The following ASAH2 variants were observed in gnomAD, a reference collection of about 807,000 sequenced individuals.
ASAH2 encodes the protein neutral ceramidase.
A neutral mutation model predicts 82.9 loss-of-function variants in ASAH2; 58 were observed. The ratio of observed to expected loss-of-function variants is 0.70; its 90% CI spans 0.57 to 0.87. The LOEUF (loss-of-function observed/expected upper bound fraction) is 0.87. ASAH2 is among the 40% of genes least tolerant of loss of function. The pLI is 0.00. For synonymous variants in ASAH2, 276 were observed against 289.7 expected, an observed-to-expected ratio of 0.95 and a Z score of 0.48; for missense variants, 779 against 834.0, an observed-to-expected ratio of 0.93 and a Z score of 0.81.
chr10:50,231,080 G>A (rs1268067574), intron 7 of ASAH2, among the ~76,000 whole-genome samples: 2 of 150,470 alleles, frequency 1.3e-5, no homozygotes, highest in African/African-American at 4.9e-5. Flanking sequence ...ACTACTAAAA[G>A]GGAATTGTAA....
At chr10:50,202,132 G>A (rs994018249) in intron 16 of ASAH2, among the ~76,000 whole-genome samples, 1 of 152,216 alleles carries the variant, frequency 6.6e-6, no homozygotes, top group South Asian at 2.1e-4. Context: ...CCAACAGAGG[G>A]TAGCAGGGCA....
intron 17 of ASAH2, 103 bp downstream of exon 17, chr10:50,198,948 T>C: frequency 7.7e-7 from 1 of 1,301,042 alleles, no homozygotes; most frequent in South Asian, 1.2e-5. Flanking sequence ...TCTCTTTCAC[T>C]TCCCTCTGCA....
chr10:50,207,590 A>G (rs1488402404), intron 12 of ASAH2, among the ~76,000 whole-genome samples: 1 of 151,204 alleles, frequency 6.6e-6, no homozygotes, highest in Non-Finnish European at 1.5e-5. Context: ...AAATTTCTAG[A>G]AAGACAAACT....
intron 2 of ASAH2, among the ~76,000 whole-genome samples, chr10:50,248,200 G>C (rs922806271): frequency 2.6e-5 from 4 of 152,190 alleles, no homozygotes; most frequent in African/African-American, 9.6e-5. Flanking sequence ...GCCATTACTA[G>C]ACCTTGACGA....
intron 7 of ASAH2, among the ~76,000 whole-genome samples, chr10:50,227,068 G>T (rs994175607): frequency 6.6e-6 from 1 of 152,058 alleles, no homozygotes; most frequent in Non-Finnish European, 1.5e-5. Flanking sequence ...ATACAGAAAA[G>T]TTCAGATATA....
intron 7 of ASAH2, among the ~76,000 whole-genome samples, chr10:50,229,553 C>T (rs1355167668): frequency 6.6e-6 from 1 of 152,114 alleles, no homozygotes; most frequent in African/African-American, 2.4e-5. Flanking sequence ...CAACTCCCAA[C>T]CCAAGTTTGA....
At chr10:50,197,493 T>A (rs1418179362) in intron 17 of ASAH2, among the ~76,000 whole-genome samples, 3 of 151,950 alleles carry the variant, frequency 2.0e-5, no homozygotes, top group Admixed American at 6.6e-5. Context: ...AATTTTCAAA[T>A]ATCCCTATAT....
chr10:50,242,108 C>T (rs907619601), intron 4 of ASAH2, among the ~76,000 whole-genome samples: 1 of 152,158 alleles, frequency 6.6e-6, no homozygotes, highest in Non-Finnish European at 1.5e-5. Flanking sequence ...CTACCATTTG[C>T]TAACTGTGTG....
chr10:50,202,286 A>C (rs1477042329), intron 16 of ASAH2, among the ~76,000 whole-genome samples: 2 of 152,084 alleles, frequency 1.3e-5, no homozygotes, highest in African/African-American at 4.8e-5. Flanking sequence ...TTTACTTAAA[A>C]AGTACTTGGG....
chr10:50,213,391 T>A (rs1845514513), intron 9 of ASAH2, among the ~76,000 whole-genome samples: 1 of 152,178 alleles, frequency 6.6e-6, no homozygotes, highest in African/African-American at 2.4e-5. Context: ...ATCTTTCTAC[T>A]TGCTTGTTCT....
intron 9 of ASAH2, among the ~76,000 whole-genome samples, 198 bp from the exon 10 acceptor site, chr10:50,213,256 C>T (rs1845509843): frequency 6.6e-6 from 1 of 152,104 alleles, no homozygotes; most frequent in Non-Finnish European, 1.5e-5. Context: ...TAGAAATGAT[C>T]TATTCTGGAG....
chr10:50,238,524 A>G (rs1449657295), intron 4 of ASAH2, among the ~76,000 whole-genome samples: 5 of 151,948 alleles, frequency 3.3e-5, no homozygotes, highest in Admixed American at 3.3e-4. Context: ...CTCGCATATT[A>G]TTCCATAATG....
intron 2 of ASAH2, among the ~76,000 whole-genome samples, chr10:50,247,963 T>A (rs1423394386): frequency 6.6e-6 from 1 of 152,186 alleles, no homozygotes; most frequent in East Asian, 1.9e-4. Flanking sequence ...TAGGCCTTCT[T>A]CACAAGAATT....
At chr10:50,219,943 C>T (rs1379531349) in intron 7 of ASAH2, among the ~76,000 whole-genome samples, 4 of 152,200 alleles carry the variant, frequency 2.6e-5, no homozygotes, top group Admixed American at 2.0e-4. Context: ...GCTGCCAGCT[C>T]TTCTCCTTTA....
Position 50,214,776 on chromosome 10 carries a change from A to G in ASAH2, c.1107T>C (p.Cys369=). The G allele has an allele frequency of 6.2e-7, 1 of 1,613,808 alleles. No homozygotes were observed. Among genetic ancestry groups the G allele is most frequent in the Non-Finnish European group, 8.5e-7 (1 of 1,179,730 alleles). The change falls in exon 9 of 21, where the codon TGT becomes TGC. Residue 369 remains cysteine (C), a synonymous_variant. Transcript: ENST00000682911. ...GPRCINTGES[C]DNANSTCPIG... ...TGGGACAAGTGCTATTGGCGTTATC[A>G]CAGGACTCTCCTGTGTTGATGCAAC...
chr10:50,217,775 T>C (rs2133212192), intron 8 of ASAH2, among the ~76,000 whole-genome samples: 2 of 152,288 alleles, frequency 1.3e-5, no homozygotes, highest in East Asian at 3.9e-4. Context: ...CTAATATCTT[T>C]ATAAGGGAAT....
intron 16 of ASAH2, 111 bp downstream of exon 16, chr10:50,202,717 TA>T: frequency 1.2e-6 from 1 of 805,170 alleles, no homozygotes; most frequent in Non-Finnish European, 2.2e-6. Flanking sequence ...ACCTGAAACA[TA>T]ATCATCTCTC....
chr10:50,248,390 T>C (rs1227359569), intron 2 of ASAH2, 94 bp downstream of exon 2: 2 of 1,471,620 alleles, frequency 1.4e-6, no homozygotes, highest in South Asian at 1.3e-5. Flanking sequence ...CGTAGAACTA[T>C]CAGCAGACAC....
chr10:50,209,354 A>C (rs1415091464), intron 12 of ASAH2, among the ~76,000 whole-genome samples: 1 of 151,708 alleles, frequency 6.6e-6, no homozygotes, highest in Non-Finnish European at 1.5e-5. Context: ...GAATGGAAGA[A>C]AAAAAATTTT....
Sources: allele counts gnomAD v4.1 joint callset (sites outside exome capture counted in the v4.1 genomes callset), GRCh38; gene constraint gnomAD v4.1.1; transcripts MANE v1.5; gene names NCBI Gene and HGNC (gene_info 2026-07-23, HGNC 2026-07-21).